The following ATP8A1 variants were observed in gnomAD, a reference collection of about 807,000 sequenced individuals.
ATP8A1 encodes the protein ATPase phospholipid transporting 8A1.
ATP8A1 carries 90 observed loss-of-function variants against 177.7 expected under a neutral mutation model. The observed-to-expected ratio is 0.51, with a 90% CI of 0.43 to 0.60. The LOEUF is 0.60. ATP8A1 is among the 20% of genes least tolerant of loss of function. The pLI is 0.00. For missense variants in ATP8A1, 1,072 were observed against 1,392.8 expected, an observed-to-expected ratio of 0.77 and a Z score of 3.67; for synonymous variants, 493 against 485.9, an observed-to-expected ratio of 1.01 and a Z score of -0.19.
intron 5 of ATP8A1, among the ~76,000 whole-genome samples, chr4:42,611,393 G>A (rs972322267): frequency 2.0e-5 from 3 of 152,080 alleles, no homozygotes; most frequent in Non-Finnish European, 4.4e-5. Flanking sequence ...AATAGGGTAC[G>A]ATATTAAACA....
chr4:42,414,920 T>G, intron 35 of ATP8A1: 1 of 548,400 alleles, frequency 1.8e-6, no homozygotes, highest in South Asian at 2.2e-5. Flanking sequence ...ATTTTCTCCC[T>G]AAGGAGTTTG....
intron 31 of ATP8A1, 120 bp downstream of exon 31, chr4:42,446,463 G>T: frequency 2.1e-6 from 2 of 938,050 alleles, no homozygotes; most frequent in Non-Finnish European, 3.1e-6. Context: ...TTTTTAAAGG[G>T]AACCGTAAAC....
chr4:42,517,641 T>C (rs777922151), intron 22 of ATP8A1, among the ~76,000 whole-genome samples: 14 of 152,218 alleles, frequency 9.2e-5, no homozygotes, highest in Non-Finnish European at 1.9e-4. Flanking sequence ...TACTAATCAA[T>C]GTCACCTCTT....
chr4:42,483,672 A>G (rs527725339), intron 25 of ATP8A1, among the ~76,000 whole-genome samples: 21 of 152,258 alleles, frequency 1.4e-4, no homozygotes, highest in African/African-American at 4.3e-4. Flanking sequence ...TCTGCTTTCT[A>G]GTTTTTTCTC....
At chr4:42,426,462 G>A (rs1714632890) in intron 33 of ATP8A1, among the ~76,000 whole-genome samples, 1 of 152,214 alleles carries the variant, frequency 6.6e-6, no homozygotes, top group Admixed American at 6.5e-5. Flanking sequence ...CCCAGTTGGA[G>A]CAGGTCTGGT....
intron 5 of ATP8A1, among the ~76,000 whole-genome samples, chr4:42,614,328 C>A (rs1315952492): frequency 1.3e-5 from 2 of 152,138 alleles, no homozygotes; most frequent in Admixed American, 6.6e-5. Flanking sequence ...ACATAGGAGC[C>A]CTCTGCTACA....
At chr4:42,576,004 T>G (rs552118988) in intron 12 of ATP8A1, among the ~76,000 whole-genome samples, 1 of 152,248 alleles carries the variant, frequency 6.6e-6, no homozygotes, top group South Asian at 2.1e-4. Flanking sequence ...TTATAAGGAT[T>G]AAAAGATACC....
At chr4:42,481,380 A>G (rs1421785391) in intron 25 of ATP8A1, among the ~76,000 whole-genome samples, 1 of 152,158 alleles carries the variant, frequency 6.6e-6, no homozygotes, top group East Asian at 1.9e-4. Flanking sequence ...TGCTTCCTAT[A>G]TCTGGGTTCC....
chr4:42,503,501 T>C lies in ATP8A1; in HGVS notation c.2100A>G (p.Lys700=). Residue 700 remains lysine (K), a synonymous_variant, in exon 24 of 37, where the codon AAA becomes AAG. Transcript: ENST00000381668. ...ETAINIGHSC[K]LLKKNMGMIV... is the part of the protein sequence containing the mutation. ...TCATTCCCATGTTCTTCTTCAACAG[T>C]TTGCAGGAGTGTCCTGTATCCAAAC... 1 of 1,606,046 alleles carries C rather than the reference T, an allele frequency of 6.2e-7. No individual in the cohort carries two copies. The highest frequency in any genetic ancestry group is 1.1e-5 in the South Asian group (1 of 90,022).
At chr4:42,608,772 A>C (rs1379723031) in intron 5 of ATP8A1, among the ~76,000 whole-genome samples, 1 of 152,240 alleles carries the variant, frequency 6.6e-6, no homozygotes, top group African/African-American at 2.4e-5. Flanking sequence ...AATTCCTCTG[A>C]GTCAGCATTT....
In ATP8A1 at chr4:42,582,513, TC is replaced by T. The variant is rs1226219566; in HGVS notation, c.723-782del. ...ACACCCACCCCCCACACACTCTCTC[TC>T]CCCCCCCACCCAAATTAAAAATAGC... is the stretch of plus-strand genomic sequence containing the variant. On this transcript the variant is annotated intron_variant, in intron 9 of 36. Transcript: ENST00000381668. Among the ~76,000 whole-genome samples, 56 of 30,414 alleles carry T rather than the reference TC, an allele frequency of 1.8e-3. 1 individual carries two copies. Among genetic ancestry groups the T allele is most frequent in the Admixed American group, 0.015 (36 of 2,382 alleles). The allele number at this position is 30,414 out of a possible 152,430, so 20.0% of individuals were successfully genotyped here.
In ATP8A1 at chr4:42,602,569, G is replaced by A. The variant is rs1469343983; in HGVS notation, c.410-2051C>T. ...ACCTGAGGTCAGGCGTTCGAGACCA[G>A]CCTGGCCAACATGGTGAAACCCTGT... is the stretch of plus-strand genomic sequence containing the variant. On this transcript the variant is annotated intron_variant, in intron 5 of 36. Transcript: ENST00000381668. Among the ~76,000 whole-genome samples, 4 of 152,230 alleles carry A rather than the reference G, an allele frequency of 2.6e-5. No homozygotes were observed. In the East Asian group the frequency reaches 7.7e-4, roughly 29 times the overall value.
At chr4:42,622,405 A>T (rs1737568269) in intron 4 of ATP8A1, among the ~76,000 whole-genome samples, 1 of 151,888 alleles carries the variant, frequency 6.6e-6, no homozygotes. Context: ...ACAAACACAA[A>T]AAAAGACTTA....
intron 15 of ATP8A1, among the ~76,000 whole-genome samples, chr4:42,568,404 A>C (rs1378428465): frequency 6.6e-6 from 1 of 152,238 alleles, no homozygotes; most frequent in Non-Finnish European, 1.5e-5. Flanking sequence ...AATGTTTTCT[A>C]AAGTTACCAA....
chr4:42,486,588 T>G lies in ATP8A1; in HGVS notation c.2152-920A>C, dbSNP rs79684245. Among the ~76,000 whole-genome samples, 1,185 of 152,322 alleles carry G rather than the reference T, an allele frequency of 7.8e-3. 11 individuals carry two copies. Among genetic ancestry groups the G allele is most frequent in the African/African-American group, 0.027 (1,138 of 41,574 alleles). Reference sequence around the variant, plus strand: ...CAAACATATTTTCAGTAAATTCTTTTGTTAAAAATCGTGTTAATTTATGAG... The same window carrying G: ...CAAACATATTTTCAGTAAATTCTTTGGTTAAAAATCGTGTTAATTTATGAG... On this transcript the variant is annotated intron_variant, in intron 24 of 36. Coordinates refer to ENST00000381668, the MANE Select transcript of ATP8A1 (RefSeq NM_006095.2).
chr4:42,628,284 A>G (rs1270536019), intron 1 of ATP8A1, among the ~76,000 whole-genome samples: 1 of 152,240 alleles, frequency 6.6e-6, no homozygotes, highest in Non-Finnish European at 1.5e-5. Flanking sequence ...GGTTTGTTAT[A>G]GTATGAAACC....
At chr4:42,416,158 T>G (rs1713217151) in intron 35 of ATP8A1, among the ~76,000 whole-genome samples, 1 of 152,222 alleles carries the variant, frequency 6.6e-6, no homozygotes, top group African/African-American at 2.4e-5. Context: ...GATCTAGCAT[T>G]ACAGACCCAT....
intron 1 of ATP8A1, among the ~76,000 whole-genome samples, chr4:42,634,160 A>T (rs958755654): frequency 5.9e-5 from 9 of 152,204 alleles, no homozygotes; most frequent in Admixed American, 4.6e-4. Context: ...ACAGAGATGA[A>T]AGGAAGTGGA....
chr4:42,517,286 C>T (rs1348629731), intron 22 of ATP8A1, among the ~76,000 whole-genome samples: 7 of 104,556 alleles, frequency 6.7e-5, no homozygotes, highest in South Asian at 7.1e-4. Flanking sequence ...AGTGAGACTC[C>T]GTCTCAAAAA....
Sources: allele counts gnomAD v4.1 joint callset (sites outside exome capture counted in the v4.1 genomes callset), GRCh38; gene constraint gnomAD v4.1.1; transcripts MANE v1.5; gene names NCBI Gene and HGNC (gene_info 2026-07-23, HGNC 2026-07-21).